CFI: variants seen among roughly 807,000 people sequenced by gnomAD.
CFI encodes the protein complement factor I.
CFI carries 66 observed loss-of-function variants against 78.8 expected under a neutral mutation model. That is an observed-to-expected ratio of 0.84 (90% CI 0.69 to 1.03). CFI has a LOEUF of 1.03. Among genes scored for constraint, CFI ranks in the 50% least tolerant of loss-of-function variants. The pLI is 0.00. For missense variants in CFI, 706 were observed against 704.5 expected (o/e 1.00, Z -0.02); for synonymous variants, 250 against 232.6 (o/e 1.07, Z -0.68).
At chr4:109,772,556 A>G (rs1388330695) in intron 1 of CFI, among the ~76,000 whole-genome samples, 2 of 151,620 alleles carry the variant, frequency 1.3e-5, no homozygotes, top group African/African-American at 4.9e-5. Flanking sequence ...TTTTGGTGGT[A>G]TAAGATGGAG....
intron 1 of CFI, among the ~76,000 whole-genome samples, chr4:109,792,279 ATAT>A (rs1006544535): frequency 4.6e-5 from 7 of 152,148 alleles, no homozygotes; most frequent in Admixed American, 2.0e-4. Flanking sequence ...AACTATTATT[ATAT>A]TATTATCTAT....
At chr4:109,786,711 A>G (rs1369529278) in intron 1 of CFI, among the ~76,000 whole-genome samples, 1 of 152,104 alleles carries the variant, frequency 6.6e-6, no homozygotes, top group African/African-American at 2.4e-5. Flanking sequence ...TATCCTTCTG[A>G]TCCTGTTCCT....
At chr4:109,770,028 C>T (rs757922555) in intron 1 of CFI, among the ~76,000 whole-genome samples, 4 of 152,198 alleles carry the variant, frequency 2.6e-5, no homozygotes, top group Non-Finnish European at 4.4e-5. Context: ...ACCTTCCATC[C>T]TCTTTGCCTG....
At position 109,775,931 on chromosome 4, in the gene CFI, G is replaced by A. The variant is rs372397688; in HGVS notation, c.58-9107C>T. On this transcript the variant is annotated intron_variant, in intron 1 of 12. Coordinates refer to ENST00000394634, the MANE Select transcript of CFI (RefSeq NM_000204.5). ...ACACCTGCAGCTGAGGGTCCTGACT[G>A]TTAGAAGGAAAACTAACAAACAAGG... is the stretch of plus-strand genomic sequence containing the variant. Among the ~76,000 whole-genome samples the A allele has an allele frequency of 2.3e-3, 345 of 152,280 alleles. 1 individual carries two copies. The highest frequency in any genetic ancestry group is 7.4e-3 in the African/African-American group (309 of 41,570).
chr4:109,753,657 A>ATC (rs1245641871), intron 7 of CFI, among the ~76,000 whole-genome samples: 1 of 88,908 alleles, frequency 1.1e-5, no homozygotes, highest in African/African-American at 4.6e-5. Flanking sequence ...ATTATATATT[A>ATC]TATAATGTAT....
chr4:109,791,704 T>C (rs1374461105), intron 1 of CFI, among the ~76,000 whole-genome samples: 4 of 152,200 alleles, frequency 2.6e-5, no homozygotes, highest in Non-Finnish European at 5.9e-5. Flanking sequence ...GGGAGTCCTT[T>C]CCCCATTGCT....
chr4:109,766,178 C>T (rs1240639790), intron 2 of CFI, among the ~76,000 whole-genome samples: 1 of 152,106 alleles, frequency 6.6e-6, no homozygotes, highest in Non-Finnish European at 1.5e-5. Context: ...TGAGGCCTGA[C>T]TAGACTACAT....
intron 1 of CFI, 41 bp downstream of exon 1, chr4:109,801,874 T>C: frequency 1.5e-6 from 2 of 1,337,254 alleles, no homozygotes; most frequent in East Asian, 2.3e-5. Context: ...AACCTTTAAA[T>C]TATCAATTAA....
At chr4:109,773,504 G>C (rs900571645) in intron 1 of CFI, among the ~76,000 whole-genome samples, 1 of 152,176 alleles carries the variant, frequency 6.6e-6, no homozygotes, top group African/African-American at 2.4e-5. Context: ...GACAGAGTAA[G>C]ATTCCGTCTC....
intron 2 of CFI, among the ~76,000 whole-genome samples, 184 bp from the exon 3 acceptor site, chr4:109,764,874 C>T (rs1012699336): frequency 6.6e-6 from 1 of 152,236 alleles, no homozygotes; most frequent in East Asian, 1.9e-4. Flanking sequence ...CAGTGCTATT[C>T]AGCTGTATAG....
downstream of CFI, among the ~76,000 whole-genome samples, chr4:109,738,706 A>G (rs1723525448): frequency 6.6e-6 from 1 of 152,154 alleles, no homozygotes; most frequent in Non-Finnish European, 1.5e-5. Flanking sequence ...TGCCATGTTA[A>G]GAGCCCATGG....
intron 3 of CFI, chr4:109,761,983 A>C (rs1415188935): frequency 2.7e-6 from 1 of 368,298 alleles, no homozygotes; most frequent in Non-Finnish European, 5.2e-6. Context: ...TGAGGTCAAG[A>C]GTTCGAGACC....
intron 1 of CFI, among the ~76,000 whole-genome samples, chr4:109,784,973 T>A (rs1449355101): frequency 1.3e-5 from 2 of 152,016 alleles, no homozygotes; most frequent in Non-Finnish European, 1.5e-5. Flanking sequence ...CTTATGACAA[T>A]ACACCCTCCC....
chr4:109,787,675 T>C (rs1208430469), intron 1 of CFI, among the ~76,000 whole-genome samples: 1 of 151,980 alleles, frequency 6.6e-6, no homozygotes, highest in East Asian at 1.9e-4. Context: ...GGAAGATGAC[T>C]GTATGCTGTG....
the CFI span, among the ~76,000 whole-genome samples, chr4:109,734,022 A>C: frequency 6.6e-6 from 1 of 152,034 alleles, no homozygotes; most frequent in African/African-American, 2.4e-5. Flanking sequence ...AAATACAAAA[A>C]TTAGCCAGGC....
chr4:109,784,930 C>G (rs542880563), intron 1 of CFI, among the ~76,000 whole-genome samples: 1 of 152,086 alleles, frequency 6.6e-6, no homozygotes, highest in East Asian at 1.9e-4. Flanking sequence ...CCATTGTGAT[C>G]TGTTCCTGCC....
At chr4:109,737,256 A>G (rs772657506), downstream of CFI, among the ~76,000 whole-genome samples, 16 of 151,820 alleles carry the variant, frequency 1.1e-4, no homozygotes, top group Non-Finnish European at 2.4e-4. Context: ...CCCCCTCTCC[A>G]GCTCCTTAGC....
At chr4:109,759,275 A>G (rs1395525286) in intron 6 of CFI, among the ~76,000 whole-genome samples, 1 of 151,740 alleles carries the variant, frequency 6.6e-6, no homozygotes, top group Non-Finnish European at 1.5e-5. Flanking sequence ...AAATAATAAT[A>G]GTATGAAAAA....
intron 1 of CFI, 21 bp downstream of exon 1, chr4:109,801,894 C>T (rs1379226964): frequency 1.3e-6 from 2 of 1,522,338 alleles, no homozygotes; most frequent in Non-Finnish European, 1.8e-6. Context: ...AAATTGTTTG[C>T]ATAAAGGTTG....
Sources: allele counts gnomAD v4.1 joint callset (sites outside exome capture counted in the v4.1 genomes callset), GRCh38; gene constraint gnomAD v4.1.1; transcripts MANE v1.5; gene names NCBI Gene and HGNC (gene_info 2026-07-23, HGNC 2026-07-21).